Variants in PDHX observed in about 807,000 individuals in gnomAD.
PDHX encodes the protein pyruvate dehydrogenase protein X component, mitochondrial.
Under a neutral mutation model 55.3 loss-of-function variants are expected in PDHX, and 33 were observed. That is an observed-to-expected ratio of 0.60 (90% confidence interval 0.45 to 0.80). The LOEUF (loss-of-function observed/expected upper bound fraction) is 0.80, where lower values mean the gene tolerates loss of function less well. PDHX is among the 30% of genes least tolerant of loss of function. PDHX has a pLI of 0.00. For missense variants in PDHX, 622 were observed against 619.9 expected (o/e 1.00, Z -0.04); for synonymous variants, 226 against 219.4 (o/e 1.03, Z -0.27).
At chr11:34,931,050 A>G (rs1180807173) in intron 1 of PDHX, among the ~76,000 whole-genome samples, 1 of 151,786 alleles carries the variant, frequency 6.6e-6, no homozygotes, top group Non-Finnish European at 1.5e-5. Context: ...CTGTAAATCT[A>G]TTTTGCAGAA....
chr11:34,982,219 T>G (rs1210348534), intron 8 of PDHX, among the ~76,000 whole-genome samples: 2 of 152,204 alleles, frequency 1.3e-5, no homozygotes, highest in Non-Finnish European at 2.9e-5. Flanking sequence ...TTTCTACATA[T>G]GGCTAGCCAG....
intron 2 of PDHX, among the ~76,000 whole-genome samples, chr11:34,944,278 C>G (rs1590741612): frequency 6.6e-6 from 1 of 151,928 alleles, no homozygotes; most frequent in Non-Finnish European, 1.5e-5. Flanking sequence ...TGCCACCTCT[C>G]CTGGCTAATT....
intron 6 of PDHX, among the ~76,000 whole-genome samples, chr11:34,969,395 G>A (rs1242537311): frequency 6.6e-6 from 1 of 150,458 alleles, no homozygotes; most frequent in Non-Finnish European, 1.5e-5. Flanking sequence ...CCAGGCTGGA[G>A]TGCAGTGGCG....
chr11:34,976,499 G>T (rs1023287344), intron 7 of PDHX, among the ~76,000 whole-genome samples: 2 of 152,126 alleles, frequency 1.3e-5, no homozygotes, highest in African/African-American at 4.8e-5. Context: ...TGAGAAGTTG[G>T]ATATACAAGT....
In PDHX at chr11:34,957,629, T is replaced by A. The variant is rs201600474; in HGVS notation, c.542+46T>A. ...AGGATGATGTAAAAAAAAAAAGTTA[T>A]GGCAGTTCTTATGGAATTGTAATCA... On this transcript the variant is annotated intron_variant, in intron 4 of 10. Transcript: ENST00000227868. 148 of 1,419,354 alleles carry A rather than the reference T, an allele frequency of 1.0e-4. 4 individuals carry two copies. The Middle Eastern group carries it at 2.1e-3, about 20-fold the overall frequency. 87.9% of individuals were successfully genotyped at this position (1,419,354 alleles called of 1,614,324 possible). A position where few individuals can be genotyped will look rare whatever the true frequency, so the allele number is the denominator to read the frequency against.
intron 3 of PDHX, among the ~76,000 whole-genome samples, chr11:34,951,704 G>T (rs879901007): frequency 2.0e-5 from 3 of 152,122 alleles, no homozygotes; most frequent in Non-Finnish European, 4.4e-5. Flanking sequence ...GGTTTAATTA[G>T]ATCCCATTTG....
intron 8 of PDHX, among the ~76,000 whole-genome samples, chr11:34,983,210 A>G (rs1855558745): frequency 6.6e-6 from 1 of 152,214 alleles, no homozygotes; most frequent in African/African-American, 2.4e-5. Context: ...AAGGCCTTTG[A>G]CAAAATTCAA....
chr11:34,982,449 C>CA (rs1170221319), intron 8 of PDHX, among the ~76,000 whole-genome samples: 1 of 151,758 alleles, frequency 6.6e-6, no homozygotes, highest in East Asian at 1.9e-4. Flanking sequence ...AATAGAGACA[C>CA]AAAAAAACCT....
At chr11:34,929,611 G>A (rs1295499364) in intron 1 of PDHX, among the ~76,000 whole-genome samples, 3 of 152,194 alleles carry the variant, frequency 2.0e-5, no homozygotes, top group African/African-American at 7.2e-5. Flanking sequence ...TTGGATTTCT[G>A]AGTGAATATA....
chr11:34,980,777 G>A (rs984803733), intron 8 of PDHX, among the ~76,000 whole-genome samples: 2 of 152,106 alleles, frequency 1.3e-5, no homozygotes, highest in African/African-American at 4.8e-5. Flanking sequence ...CAGGGGAGTG[G>A]TCACAAGTAA....
intron 4 of PDHX, among the ~76,000 whole-genome samples, chr11:34,958,762 A>G (rs1854958516): frequency 6.6e-6 from 1 of 152,200 alleles, no homozygotes; most frequent in South Asian, 2.1e-4. Context: ...AGATAATAAT[A>G]GTATGTACCC....
chr11:34,916,251 AAC>A, upstream of PDHX: 1 of 1,612,578 alleles, frequency 6.2e-7, no homozygotes, highest in South Asian at 1.1e-5. Flanking sequence ...CTCCGGGAAC[AAC>A]AGTCTCCCTC....
At chr11:34,931,232 T>A (rs1377909630) in intron 1 of PDHX, among the ~76,000 whole-genome samples, 172 bp from the exon 2 acceptor site, 2 of 152,198 alleles carry the variant, frequency 1.3e-5, no homozygotes, top group African/African-American at 2.4e-5. Flanking sequence ...AAATTGAATT[T>A]TATGTTTCCA....
chr11:34,949,909 A>G (rs571850594), intron 3 of PDHX, among the ~76,000 whole-genome samples: 1 of 152,104 alleles, frequency 6.6e-6, no homozygotes, highest in Non-Finnish European at 1.5e-5. Context: ...CAAAAGTAGA[A>G]TTTTTTCTAA....
chr11:34,919,971 A>G (rs928389927), intron 1 of PDHX, among the ~76,000 whole-genome samples: 2 of 152,214 alleles, frequency 1.3e-5, no homozygotes, highest in African/African-American at 4.8e-5. Context: ...GACATAAACA[A>G]TAAAGGTATG....
intron 9 of PDHX, among the ~76,000 whole-genome samples, chr11:34,987,226 C>T (rs561591567): frequency 6.6e-5 from 10 of 152,080 alleles, no homozygotes; most frequent in Non-Finnish European, 1.3e-4. Context: ...CGCAAAGTTA[C>T]CAGAAAGGAG....
intron 1 of PDHX, among the ~76,000 whole-genome samples, chr11:34,917,688 G>GA (rs557667552): frequency 2.3e-3 from 348 of 149,282 alleles, no homozygotes; most frequent in Non-Finnish European, 3.5e-3. Context: ...CTTAGGCTCA[G>GA]AAAAAAAAAA....
intron 1 of PDHX, among the ~76,000 whole-genome samples, chr11:34,921,106 A>T (rs1222250811): frequency 2.6e-5 from 4 of 152,234 alleles, no homozygotes; most frequent in Admixed American, 2.0e-4. Flanking sequence ...ATTCTCATTT[A>T]ACTGTGGAAA....
At position 34,916,677 on chromosome 11, in the gene PDHX, G is replaced by T. The variant is rs778248643; in HGVS notation, c.22G>T (p.Gly8Cys). 83 of 1,611,250 alleles carry T rather than the reference G, an allele frequency of 5.2e-5. 1 individual carries two copies. In the South Asian group the frequency reaches 5.9e-4, roughly 12 times the overall value. MAASWRL[G>C]CDPRLLRYLV... ...CAAGATGGCGGCCTCCTGGAGGCTG[G>T]GCTGTGATCCGCGGCTGCTGCGTTA... The change falls in exon 1 of 11, where the codon GGC becomes TGC. Residue 8 changes from glycine (G) to cysteine (C), a missense_variant. Physicochemically the swap from Gly to Cys is radical, Grantham distance 159. Transcript: ENST00000227868.
Sources: allele counts gnomAD v4.1 joint callset (sites outside exome capture counted in the v4.1 genomes callset), GRCh38; gene constraint gnomAD v4.1.1; transcripts MANE v1.5; gene names NCBI Gene and HGNC (gene_info 2026-07-23, HGNC 2026-07-21).